The following FCRL2 variants were observed in gnomAD, a reference collection of about 807,000 sequenced individuals.
The protein encoded by FCRL2 is Fc receptor like 2, also known as Fc receptor-like protein 2.
Under a neutral mutation model 59.8 loss-of-function variants are expected in FCRL2, and 48 were observed. The ratio of observed to expected loss-of-function variants is 0.80; its 90% CI spans 0.64 to 1.02. The LOEUF (loss-of-function observed/expected upper bound fraction) is 1.02, where lower values mean the gene tolerates loss of function less well. Among genes scored for constraint, FCRL2 ranks in the 50% least tolerant of loss-of-function variants. The pLI is 0.00. For synonymous variants in FCRL2, 251 were observed against 229.5 expected (o/e 1.09, Z -0.85); for missense variants, 658 against 597.3 (o/e 1.10, Z -1.06).
chr1:157,762,611 C>T (rs1278179080), intron 7 of FCRL2, among the ~76,000 whole-genome samples: 1 of 152,054 alleles, frequency 6.6e-6, no homozygotes, highest in Non-Finnish European at 1.5e-5. Flanking sequence ...CAAGCACATA[C>T]AATGCAAAAA....
In FCRL2 at chr1:157,770,632, G is replaced by C. The variant is rs377455239; in HGVS notation, c.87C>G (p.Phe29Leu). 6.8e-6 allele frequency: 11 copies of C among 1,613,980 alleles called. No homozygotes were observed. The African/African-American group carries it at 1.1e-4, about 16-fold the overall frequency. The change falls in exon 3 of 12, where the codon TTC becomes TTG. Residue 29 changes from phenylalanine to leucine, a missense_variant. Coordinates refer to ENST00000361516, the MANE Select transcript of FCRL2 (RefSeq NM_030764.4). ...ATTTCAGAACGATGCTGTCTCCTTC[G>C]AAGACAGAAGAGGGCGCCACAAGGG... ...SLTLVAPSSV[F>L]EGDSIVLKCQ...
At chr1:157,775,934 A>C in intron 1 of FCRL2, 139 bp from the exon 2 acceptor site, 1 of 926,082 alleles carries the variant, frequency 1.1e-6, no homozygotes, top group Non-Finnish European at 1.6e-6. Flanking sequence ...TCTTATTACT[A>C]ACAATTCAAT....
intron 7 of FCRL2, among the ~76,000 whole-genome samples, chr1:157,756,490 C>G (rs1252284722): frequency 6.6e-5 from 10 of 152,044 alleles, no homozygotes. Flanking sequence ...CAAGACTAGC[C>G]TTGGCAACAT....
At chr1:157,759,741 A>G (rs1648880176) in intron 7 of FCRL2, among the ~76,000 whole-genome samples, 1 of 152,250 alleles carries the variant, frequency 6.6e-6, no homozygotes, top group Non-Finnish European at 1.5e-5. Flanking sequence ...CAAAACCCCA[A>G]TGAGATACCA....
chr1:157,773,118 C>G (rs1157478375), intron 2 of FCRL2, among the ~76,000 whole-genome samples: 1 of 152,194 alleles, frequency 6.6e-6, no homozygotes, highest in Non-Finnish European at 1.5e-5. Context: ...TTCCCCTCAG[C>G]TATGTTTTGG....
intron 6 of FCRL2, 90 bp downstream of exon 6, chr1:157,767,141 C>T (rs9427313): frequency 0.053 from 79,144 of 1,483,664 alleles, 2,839 homozygotes; most frequent in South Asian, 0.17. Flanking sequence ...CTGAGATCAC[C>T]TTCCCCCTCT....
intron 2 of FCRL2, among the ~76,000 whole-genome samples, chr1:157,773,326 A>G (rs1650169331): frequency 6.6e-6 from 1 of 152,222 alleles, no homozygotes; most frequent in Non-Finnish European, 1.5e-5. Context: ...TGGACCACTC[A>G]GTGAGCCACA....
intron 7 of FCRL2, among the ~76,000 whole-genome samples, chr1:157,755,668 A>G (rs2101687809): frequency 6.6e-6 from 1 of 152,344 alleles, no homozygotes; most frequent in African/African-American, 2.4e-5. Flanking sequence ...ATCCATGAAT[A>G]GAATTCTTTG....
chr1:157,758,317 C>T (rs1247940908), intron 7 of FCRL2, among the ~76,000 whole-genome samples: 1 of 152,248 alleles, frequency 6.6e-6, no homozygotes, highest in Non-Finnish European at 1.5e-5. Context: ...AGCGTAATAT[C>T]AGACTTACTT....
At chr1:157,759,470 C>A (rs59028932) in intron 7 of FCRL2, among the ~76,000 whole-genome samples, 2,698 of 152,192 alleles carry the variant, frequency 0.018, 70 homozygotes, top group African/African-American at 0.061. Context: ...AACTAAAGAG[C>A]TTCTTCACAA....
At chr1:157,760,717 A>G (rs182519039) in intron 7 of FCRL2, among the ~76,000 whole-genome samples, 6 of 148,572 alleles carry the variant, frequency 4.0e-5, no homozygotes, top group African/African-American at 1.5e-4. Flanking sequence ...GAAAGAAAGA[A>G]AGAAAGAAAG....
At position 157,745,982 on chromosome 1, in the gene FCRL2, T is replaced by C. The variant is rs1312922707; in HGVS notation, c.*754A>G. On this transcript the variant is annotated 3_prime_UTR_variant, in exon 12 of 12. Transcript: ENST00000361516. ...AAGTCGATGCACATAAAGAAGAAAATCTGGAGGAAACGGCTAAATTCCTGG... is the reference window on the plus strand; with the variant it reads ...AAGTCGATGCACATAAAGAAGAAAACCTGGAGGAAACGGCTAAATTCCTGG... The C allele has an allele frequency of 6.6e-6, 1 of 151,882 alleles. No individual in the cohort carries two copies. Among genetic ancestry groups the C allele is most frequent in the African/African-American group, 2.4e-5 (1 of 41,302 alleles). 9.4% of individuals were successfully genotyped at this position (151,882 alleles called of 1,614,324 possible).
At chr1:157,754,946 A>G (rs1046043194) in intron 7 of FCRL2, among the ~76,000 whole-genome samples, 28 of 151,968 alleles carry the variant, frequency 1.8e-4, no homozygotes, top group Admixed American at 6.6e-5. Flanking sequence ...AGCCTAGGTG[A>G]CAGAGAGAGA....
intron 7 of FCRL2, among the ~76,000 whole-genome samples, chr1:157,750,935 C>T (rs59899324): frequency 0.017 from 2,548 of 152,136 alleles, 51 homozygotes; most frequent in African/African-American, 0.05. Context: ...TTCCAAAAAT[C>T]GACATGGTAC....
chr1:157,751,902 C>G (rs1309937511), intron 7 of FCRL2, among the ~76,000 whole-genome samples: 1 of 150,962 alleles, frequency 6.6e-6, no homozygotes, highest in East Asian at 1.9e-4. Context: ...ACCGAGCAAA[C>G]CTGGAGAGTC....
intron 7 of FCRL2, among the ~76,000 whole-genome samples, chr1:157,750,663 C>T (rs1437550623): frequency 6.6e-6 from 1 of 152,162 alleles, no homozygotes; most frequent in Admixed American, 6.5e-5. Context: ...GAAGGTAAAA[C>T]TTCTTTATAA....
chr1:157,775,879 C>G (rs1650372922), intron 1 of FCRL2, 84 bp from the exon 2 acceptor site: 1 of 1,448,054 alleles, frequency 6.9e-7, no homozygotes, highest in Admixed American at 2.0e-5. Flanking sequence ...GTAAATTGCT[C>G]AAAAACTTCT....
chr1:157,763,841 C>T (rs1011891663), intron 7 of FCRL2, among the ~76,000 whole-genome samples: 2 of 151,920 alleles, frequency 1.3e-5, no homozygotes, highest in Admixed American at 6.6e-5. Context: ...ACATCCTGGC[C>T]AACATGGTGA....
intron 7 of FCRL2, among the ~76,000 whole-genome samples, chr1:157,759,561 A>T (rs1051074478): frequency 2.0e-5 from 3 of 152,260 alleles, no homozygotes; most frequent in Non-Finnish European, 4.4e-5. Context: ...CAAAGCTTTA[A>T]TACCTAGAAT....
Sources: allele counts gnomAD v4.1 joint callset (sites outside exome capture counted in the v4.1 genomes callset), GRCh38; gene constraint gnomAD v4.1.1; transcripts MANE v1.5; gene names NCBI Gene and HGNC (gene_info 2026-07-23, HGNC 2026-07-21).